RNPEPL1: variants seen among roughly 807,000 people sequenced by gnomAD.
RNPEPL1 encodes aminopeptidase RNPEPL1.
RNPEPL1 carries 46 observed loss-of-function variants against 69.0 expected under a neutral mutation model. That is an observed-to-expected ratio of 0.67 (90% CI 0.53 to 0.85). RNPEPL1 has a LOEUF of 0.85. RNPEPL1 is among the 40% of genes least tolerant of loss of function. The pLI is 0.00. For missense variants in RNPEPL1, 869 were observed against 992.5 expected (o/e 0.88, Z 1.67); for synonymous variants, 525 against 454.1 (o/e 1.16, Z -1.98).
chr2:240,569,761 G>A (rs1320809941), intron 1 of RNPEPL1, among the ~76,000 whole-genome samples: 1 of 152,212 alleles, frequency 6.6e-6, no homozygotes, highest in South Asian at 2.1e-4. Context: ...CTACAGCATG[G>A]GGGTTCATAC....
intron 6 of RNPEPL1, 149 bp downstream of exon 6, chr2:240,574,777 G>A (rs1274306364): frequency 9.4e-6 from 7 of 748,504 alleles, no homozygotes; most frequent in Non-Finnish European, 1.5e-5. Context: ...CCCTGGCCAG[G>A]GCAAGGCCTC....
rs1553610589 is a variant in RNPEPL1 at position 240,573,413 on chromosome 2, C to CCAGGGCCCTGCCT, written c.821+152_821+153insCAGGGCCCTGCCT. 10 of 750,126 alleles carry CCAGGGCCCTGCCT rather than the reference C, an allele frequency of 1.3e-5. No individual in the cohort carries two copies. In the South Asian group the frequency reaches 1.7e-4, roughly 13 times the overall value. The allele number at this position is 750,126 out of a possible 1,614,324, so 46.5% of individuals were successfully genotyped here. On this transcript the variant is annotated intron_variant, in intron 3 of 10. Coordinates refer to ENST00000270357, the MANE Select transcript of RNPEPL1 (RefSeq NM_018226.6). ...AGCCCTGCCCCTGCCTTGGTGCCACCGCCAGGGCCCTGCCACCCATGTGCC... is the reference window on the plus strand; with the variant it reads ...AGCCCTGCCCCTGCCTTGGTGCCACCCAGGGCCCTGCCTGCCAGGGCCCTGCCACCCATGTGCC...
intron 1 of RNPEPL1, among the ~76,000 whole-genome samples, chr2:240,571,228 G>A (rs2093020508): frequency 6.6e-6 from 1 of 152,180 alleles, no homozygotes; most frequent in East Asian, 1.9e-4. Context: ...GCACCAACAG[G>A]AAGTTTGGAA....
At position 240,581,309 on chromosome 2, in the gene RNPEPL1, G is replaced by C. The variant is rs2093051452; in HGVS notation, c.*3417G>C. On this transcript the variant is annotated 3_prime_UTR_variant, in exon 11 of 11. Transcript: ENST00000270357. ...ACAAGAACAGGTAGTTTATAAAAAAGAACCAGTCAGAGACCCTGGAAATTT... is the reference window on the plus strand; with the variant it reads ...ACAAGAACAGGTAGTTTATAAAAAACAACCAGTCAGAGACCCTGGAAATTT... 6.6e-6 allele frequency: 1 copy of C among 152,104 alleles called. No homozygotes were observed. Among genetic ancestry groups the C allele is most frequent in the Admixed American group, 6.5e-5 (1 of 15,280 alleles). 9.4% of individuals were successfully genotyped at this position (152,104 alleles called of 1,614,324 possible).
intron 10 of RNPEPL1, 150 bp from the exon 11 acceptor site, chr2:240,577,449 T>C: frequency 1.2e-6 from 1 of 836,592 alleles, no homozygotes; most frequent in Non-Finnish European, 1.8e-6. Context: ...AGGCTAATGG[T>C]AGGCCTCCTG....
Position 240,574,202 on chromosome 2 carries a change from G to C in RNPEPL1, c.1028G>C (p.Ser343Thr), listed in dbSNP as rs557173417. The C allele has an allele frequency of 1.5e-5, 24 of 1,613,512 alleles. No individual in the cohort carries two copies. The East Asian group carries it at 5.1e-4, about 34-fold the overall frequency. The change falls in exon 5 of 11, where the codon AGC (serine) becomes ACC (threonine). Residue 343 changes from serine to threonine, a missense_variant. Ser to Thr is a moderately conservative substitution (Grantham distance 58, BLOSUM62 1). Transcript: ENST00000270357. ...LTFIISSILE[S>T]DEFLVIDVIH... ...TTCATCATCTCCTCCATCCTGGAGA[G>C]CGATGAGTTCCTGGTCATCGATGTC...
chr2:240,575,633 C>T lies in RNPEPL1; in HGVS notation c.1510+23C>T, dbSNP rs749716938. ...CAGGTGAGGCTGACCCCCAACCCTG[C>T]AGCCAGGGAGCCGTGGGTATGATGG... On this transcript the variant is annotated intron_variant, in intron 8 of 10. Coordinates refer to ENST00000270357, the MANE Select transcript of RNPEPL1 (RefSeq NM_018226.6). 2.5e-6 allele frequency: 4 copies of T among 1,595,924 alleles called. No individual in the cohort carries two copies. The East Asian group carries it at 6.7e-5, about 27-fold the overall frequency.
chr2:240,576,546 G>A lies in RNPEPL1; in HGVS notation c.1522G>A (p.Glu508Lys), dbSNP rs543537537. Reference protein sequence around the residue: ...SVDCRAGLEFERWLNATGPPL... With the variant: ...SVDCRAGLEFKRWLNATGPPL... ...CTTCTCCCCTCTAGGGCTGGAATTC[G>A]AGCGCTGGCTCAATGCCACAGGCCC... The change falls in exon 9 of 11, where the codon GAG becomes AAG. Residue 508 changes from glutamate (E) to lysine (K), a missense_variant. Physicochemically the swap from Glu to Lys is moderately conservative, Grantham distance 56. Coordinates refer to ENST00000270357, the MANE Select transcript of RNPEPL1 (RefSeq NM_018226.6). 1.4e-5 allele frequency: 22 copies of A among 1,611,560 alleles called. No individual in the cohort carries two copies. The highest frequency in any genetic ancestry group is 1.6e-4 in the Middle Eastern group (1 of 6,070).
At chr2:240,575,638 A>G in intron 8 of RNPEPL1, 28 bp downstream of exon 8, 1 of 1,588,538 alleles carries the variant, frequency 6.3e-7, no homozygotes, top group Non-Finnish European at 8.6e-7. Context: ...CCCTGCAGCC[A>G]GGGAGCCGTG....
At chr2:240,573,739 T>A (rs1334172047) in intron 3 of RNPEPL1, 36 bp from the exon 4 acceptor site, 2 of 1,477,738 alleles carry the variant, frequency 1.4e-6, no homozygotes, top group African/African-American at 2.8e-5. Context: ...GGGCTGGGGC[T>A]GCTCGGCCTC....
At chr2:240,573,323 G>GA in intron 3 of RNPEPL1, 62 bp downstream of exon 3, 1 of 1,493,250 alleles carries the variant, frequency 6.7e-7, no homozygotes, top group East Asian at 2.5e-5. Flanking sequence ...CCCACCGGGG[G>GA]TCTGTGGCCT....
chr2:240,569,307 A>G (rs1440513295), intron 1 of RNPEPL1, 193 bp downstream of exon 1: 1 of 561,924 alleles, frequency 1.8e-6, no homozygotes, highest in Non-Finnish European at 2.8e-6. Flanking sequence ...CTGCGGGGAC[A>G]CGGGACAGCA....
In RNPEPL1 at chr2:240,568,497, G is replaced by C; in HGVS notation, c.-90G>C. ...GGCTCCCGGCGCGACTTCCTGTTGT[G>C]CCCGCGCCCCGCCGCCGCCGCCGCC... On this transcript the variant is annotated 5_prime_UTR_variant, in exon 1 of 11. Coordinates refer to ENST00000270357, the MANE Select transcript of RNPEPL1 (RefSeq NM_018226.6). This position sits in a 1 kb window ranked among gnomAD's most constrained non-coding sequence, Gnocchi z 6.2. 1.7e-6 allele frequency: 1 copy of C among 598,528 alleles called. No homozygotes were observed. Among genetic ancestry groups the C allele is most frequent in the Non-Finnish European group, 2.1e-6 (1 of 479,664 alleles). The allele number at this position is 598,528 out of a possible 1,614,324, so 37.1% of individuals were successfully genotyped here. A position where few individuals can be genotyped will look rare whatever the true frequency, so the allele number is the denominator to read the frequency against.
intron 8 of RNPEPL1, chr2:240,576,025 G>A (rs1559417603): frequency 7.5e-6 from 2 of 265,540 alleles, no homozygotes; most frequent in South Asian, 5.1e-5. Flanking sequence ...TTCAGACATT[G>A]AGGGAGAGGC....
intron 1 of RNPEPL1, 107 bp downstream of exon 1, chr2:240,569,221 GC>G (rs996031214): frequency 4.2e-5 from 52 of 1,226,736 alleles, no homozygotes; most frequent in Admixed American, 8.1e-5. Context: ...CCCTACAGGT[GC>G]CCCCCTCCCC....
intron 10 of RNPEPL1, 48 bp from the exon 11 acceptor site, chr2:240,577,551 C>T (rs765167543): frequency 1.4e-5 from 21 of 1,504,312 alleles, no homozygotes; most frequent in East Asian, 4.6e-5. Flanking sequence ...TGGGCTGGCT[C>T]GAGGGGCCTG....
Position 240,576,884 on chromosome 2 carries a change from T to C in RNPEPL1, c.1778T>C (p.Leu593Pro). The change falls in exon 10 of 11, where the codon CTG (leucine) becomes CCG (proline). Residue 593 changes from leucine (L) to proline (P), a missense_variant. By Grantham distance (98) the Leu-to-Pro change is moderately conservative. This residue lies in a region of RNPEPL1 where 610 missense variants were observed against 790.9 expected (regional missense o/e 0.77). Coordinates refer to ENST00000270357, the MANE Select transcript of RNPEPL1 (RefSeq NM_018226.6). ...AGCCTGTCCAAGTGCTACTCCTCCC[T>C]GCTGGACTCGATGAACGCTGAGATC... Reference protein sequence around the residue: ...VMSLSKCYSSLLDSMNAEIRI... With the variant: ...VMSLSKCYSSPLDSMNAEIRI... 6.2e-7 allele frequency: 1 copy of C among 1,613,328 alleles called. No individual in the cohort carries two copies. Among genetic ancestry groups the C allele is most frequent in the Non-Finnish European group, 8.5e-7 (1 of 1,179,974 alleles).
At chr2:240,570,080 C>T (rs1004783074) in intron 1 of RNPEPL1, among the ~76,000 whole-genome samples, 1 of 152,250 alleles carries the variant, frequency 6.6e-6, no homozygotes, top group African/African-American at 2.4e-5. Flanking sequence ...CGGCCCCGCC[C>T]CTGCTGTGGT....
chr2:240,573,746 C>T (rs1391356786), intron 3 of RNPEPL1, 29 bp from the exon 4 acceptor site: 1 of 1,496,300 alleles, frequency 6.7e-7, no homozygotes, highest in Non-Finnish European at 9.0e-7. Flanking sequence ...GGCTGCTCGG[C>T]CTCAGCTCAC....
Sources: allele counts gnomAD v4.1 joint callset (sites outside exome capture counted in the v4.1 genomes callset), GRCh38; gene constraint gnomAD v4.1.1; regional missense constraint gnomAD v4.1.1; non-coding constraint Gnocchi (gnomAD v3.1); transcripts MANE v1.5; gene names NCBI Gene and HGNC (gene_info 2026-07-23, HGNC 2026-07-21).